Variants in KCNT2 observed in about 807,000 individuals in gnomAD.
KCNT2 encodes potassium sodium-activated channel subfamily T member 2.
KCNT2 carries 67 observed loss-of-function variants against 153.8 expected under a neutral mutation model. That is an observed-to-expected ratio of 0.44 (90% confidence interval 0.36 to 0.53). The LOEUF (loss-of-function observed/expected upper bound fraction) is 0.53, where lower values mean the gene tolerates loss of function less well. Ranked by LOEUF, KCNT2 falls within the 20% of genes least tolerant of loss-of-function variation. KCNT2 has a pLI of 0.00. For synonymous variants in KCNT2, 500 were observed against 458.8 expected (o/e 1.09, Z -1.15); for missense variants, 975 against 1,354.8 (o/e 0.72, Z 4.40).
intron 1 of KCNT2, 120 bp downstream of exon 1, chr1:196,608,095 A>G: frequency 6.0e-6 from 5 of 835,386 alleles, no homozygotes; most frequent in Non-Finnish European, 8.4e-6. Context: ...TCCCTCCCCC[A>G]GCCTAGTCTC....
intron 26 of KCNT2, among the ~76,000 whole-genome samples, chr1:196,249,242 A>G (rs898028478): frequency 6.6e-6 from 1 of 152,196 alleles, no homozygotes; most frequent in Non-Finnish European, 1.5e-5. Flanking sequence ...GATCTGGAAC[A>G]TGTTAAGGAT....
chr1:196,551,772 T>C (rs1326612150), intron 1 of KCNT2, among the ~76,000 whole-genome samples: 1 of 151,632 alleles, frequency 6.6e-6, no homozygotes, highest in Non-Finnish European at 1.5e-5. Context: ...AAATGTTTCC[T>C]TTCTCAATTA....
intron 14 of KCNT2, among the ~76,000 whole-genome samples, chr1:196,365,124 A>C (rs1359235400): frequency 1.3e-5 from 2 of 152,084 alleles, no homozygotes; most frequent in African/African-American, 4.8e-5. Flanking sequence ...GTTATTTCAA[A>C]ATATCCTTGT....
intron 1 of KCNT2, among the ~76,000 whole-genome samples, chr1:196,595,810 C>T (rs1383497971): frequency 1.3e-5 from 2 of 151,836 alleles, no homozygotes; most frequent in African/African-American, 2.4e-5. Flanking sequence ...ACACTGTACA[C>T]AATATATAGT....
chr1:196,327,588 T>C (rs187900052), intron 18 of KCNT2, among the ~76,000 whole-genome samples: 36 of 152,142 alleles, frequency 2.4e-4, no homozygotes, highest in Admixed American at 8.5e-4. Flanking sequence ...CCTTTATATG[T>C]CTTTATGTTC....
At chr1:196,544,480 T>C (rs560378141) in intron 1 of KCNT2, among the ~76,000 whole-genome samples, 141 of 151,996 alleles carry the variant, frequency 9.3e-4, no homozygotes, top group African/African-American at 3.2e-3. Flanking sequence ...CTGTATTACC[T>C]ATTCAAAAAT....
chr1:196,500,579 GT>G (rs1419317159), intron 1 of KCNT2, among the ~76,000 whole-genome samples: 1 of 152,152 alleles, frequency 6.6e-6, no homozygotes, highest in East Asian at 1.9e-4. Context: ...GTTTGTTAAG[GT>G]CTGCCCTGTG....
At chr1:196,582,464 T>C (rs1360772179) in intron 1 of KCNT2, 1 of 154,278 alleles carries the variant, frequency 6.5e-6, no homozygotes, top group Non-Finnish European at 1.5e-5. Context: ...ACCGAAGGTG[T>C]TCAAATTAGG....
intron 4 of KCNT2, among the ~76,000 whole-genome samples, chr1:196,480,628 G>A (rs1053518446): frequency 6.6e-6 from 1 of 151,896 alleles, no homozygotes; most frequent in African/African-American, 2.4e-5. Flanking sequence ...GGCCGAGGTG[G>A]GCGGATCACG....
intron 12 of KCNT2, among the ~76,000 whole-genome samples, chr1:196,405,953 A>G (rs1671797340): frequency 6.6e-6 from 1 of 151,588 alleles, no homozygotes. Context: ...AATCTGGAGA[A>G]CAAACCTGTC....
At chr1:196,301,216 C>A (rs547947023) in intron 22 of KCNT2, among the ~76,000 whole-genome samples, 8 of 152,106 alleles carry the variant, frequency 5.3e-5, no homozygotes, top group African/African-American at 1.9e-4. Flanking sequence ...TTGAATTTCC[C>A]TGAAGATCAT....
At chr1:196,315,774 G>T in intron 21 of KCNT2, 118 bp downstream of exon 21, 2 of 874,236 alleles carry the variant, frequency 2.3e-6, no homozygotes, top group Non-Finnish European at 3.3e-6. Flanking sequence ...TGAAAAAAAT[G>T]AATAAATGAA....
intron 1 of KCNT2, among the ~76,000 whole-genome samples, chr1:196,523,178 A>T (rs1653707230): frequency 6.6e-6 from 1 of 152,176 alleles, no homozygotes; most frequent in African/African-American, 2.4e-5. Context: ...AAGAGCTATA[A>T]CACACACTGC....
At chr1:196,358,086 C>T (rs1667318885) in intron 14 of KCNT2, among the ~76,000 whole-genome samples, 1 of 151,514 alleles carries the variant, frequency 6.6e-6, no homozygotes. Context: ...CTATCATTTT[C>T]TCTAACCTCT....
chr1:196,556,881 G>GAA (rs766225541), intron 1 of KCNT2, among the ~76,000 whole-genome samples: 2 of 151,518 alleles, frequency 1.3e-5, no homozygotes, highest in South Asian at 4.1e-4. Context: ...GCCAGGCACT[G>GAA]AAAGACAAAC....
intron 1 of KCNT2, among the ~76,000 whole-genome samples, chr1:196,534,924 G>A (rs1035752108): frequency 6.6e-6 from 1 of 152,136 alleles, no homozygotes; most frequent in African/African-American, 2.4e-5. Flanking sequence ...GTAGAGACTA[G>A]CCACAGCCTG....
At chr1:196,542,918 C>T (rs1214407716) in intron 1 of KCNT2, among the ~76,000 whole-genome samples, 1 of 152,024 alleles carries the variant, frequency 6.6e-6, no homozygotes, top group African/African-American at 2.4e-5. Context: ...AACTCTCTTA[C>T]TGAGAAAATG....
At chr1:196,463,458 A>C (rs1480575617) in intron 8 of KCNT2, among the ~76,000 whole-genome samples, 4 of 151,772 alleles carry the variant, frequency 2.6e-5, no homozygotes, top group African/African-American at 7.2e-5. Flanking sequence ...ATTATGATAC[A>C]TGTGATTAAA....
intron 4 of KCNT2, among the ~76,000 whole-genome samples, chr1:196,480,216 G>T (rs1678890524): frequency 6.6e-6 from 1 of 152,086 alleles, no homozygotes; most frequent in Non-Finnish European, 1.5e-5. Context: ...AGTGTCTCAG[G>T]TAAATATATA....
Sources: allele counts gnomAD v4.1 joint callset (sites outside exome capture counted in the v4.1 genomes callset), GRCh38; gene constraint gnomAD v4.1.1; transcripts MANE v1.5; gene names NCBI Gene and HGNC (gene_info 2026-07-23, HGNC 2026-07-21).